CRYZL1: variants seen among roughly 807,000 people sequenced by gnomAD.
The protein encoded by CRYZL1 is crystallin zeta like 1.
In CRYZL1, 34 loss-of-function variants were observed where a neutral mutation model predicts 50.6. The ratio of observed to expected loss-of-function variants is 0.67; its 90% CI spans 0.51 to 0.89. The LOEUF (loss-of-function observed/expected upper bound fraction) is 0.89. CRYZL1 is among the 40% of genes least tolerant of loss of function. The pLI, the probability that CRYZL1 is intolerant of heterozygous loss-of-function variation, is 0.00. For missense variants in CRYZL1, 354 were observed against 402.3 expected, an observed-to-expected ratio of 0.88 and a Z score of 1.03; for synonymous variants, 125 against 134.3, an observed-to-expected ratio of 0.93 and a Z score of 0.48.
intron 2 of CRYZL1, among the ~76,000 whole-genome samples, chr21:33,630,988 G>A (rs1325554539): frequency 1.3e-5 from 2 of 152,174 alleles, no homozygotes; most frequent in Non-Finnish European, 2.9e-5. Context: ...ATTAGAGGCT[G>A]GGGAGATTAA....
intron 4 of CRYZL1, among the ~76,000 whole-genome samples, chr21:33,621,455 C>A (rs1310277808): frequency 6.6e-6 from 1 of 151,858 alleles, no homozygotes; most frequent in Non-Finnish European, 1.5e-5. Context: ...CATTCTCCTG[C>A]CTCAGCCTCC....
At chr21:33,613,452 A>G (rs2086894211) in intron 6 of CRYZL1, 86 bp downstream of exon 6, 13 of 914,768 alleles carry the variant, frequency 1.4e-5, no homozygotes, top group Non-Finnish European at 5.2e-6. Context: ...CACTTATGGT[A>G]GATTCAAAAA....
intron 6 of CRYZL1, among the ~76,000 whole-genome samples, chr21:33,613,162 T>G (rs2086891294): frequency 6.6e-6 from 1 of 152,142 alleles, no homozygotes; most frequent in Admixed American, 6.6e-5. Context: ...CGTCTCAAAC[T>G]CTCCATGTAC....
intron 4 of CRYZL1, among the ~76,000 whole-genome samples, chr21:33,617,708 C>G (rs1289885349): frequency 6.6e-6 from 1 of 152,116 alleles, no homozygotes. Flanking sequence ...CAGAACGGAA[C>G]AGAACAGGAC....
At chr21:33,624,901 G>T in intron 2 of CRYZL1, 141 bp from the exon 3 acceptor site, 5 of 1,175,562 alleles carry the variant, frequency 4.3e-6, no homozygotes, top group Non-Finnish European at 5.6e-6. Context: ...ACAACTATAA[G>T]TAATTATAGA....
intron 2 of CRYZL1, among the ~76,000 whole-genome samples, chr21:33,625,529 G>A (rs944496763): frequency 6.6e-6 from 1 of 151,964 alleles, no homozygotes; most frequent in Non-Finnish European, 1.5e-5. Context: ...TGTCTCCCAC[G>A]CGGGAATGCA....
Position 33,620,685 on chromosome 21 carries a change from G to A in CRYZL1, c.217+1311C>T, listed in dbSNP as rs901369561. 1.1e-4 allele frequency among the ~76,000 whole-genome samples: 17 copies of A among 151,748 alleles called. 1 individual carries two copies. Among genetic ancestry groups the A allele is most frequent in the Admixed American group, 7.9e-4 (12 of 15,228 alleles). The stretch of plus-strand genomic sequence containing the variant: ...AAATTTGCCAGGCATGGTGATGAGC[G>A]CCTGTAGCCCCAGCTACTTGGAAGG... On this transcript the variant is annotated intron_variant, in intron 4 of 12. Coordinates refer to ENST00000381554, the MANE Select transcript of CRYZL1 (RefSeq NM_145858.3).
chr21:33,641,332 A>G, intron 1 of CRYZL1: 2 of 1,535,936 alleles, frequency 1.3e-6, no homozygotes, highest in Non-Finnish European at 1.8e-6. Context: ...GAGAAAGAAA[A>G]AGACACTCAA....
At chr21:33,622,681 T>C (rs923093570) in intron 3 of CRYZL1, among the ~76,000 whole-genome samples, 1 of 152,238 alleles carries the variant, frequency 6.6e-6, no homozygotes, top group Non-Finnish European at 1.5e-5. Context: ...CTGTAAGTAC[T>C]TGTCTTTTGA....
At chr21:33,607,682 A>G (rs987855206) in intron 6 of CRYZL1, among the ~76,000 whole-genome samples, 6 of 152,212 alleles carry the variant, frequency 3.9e-5, no homozygotes, top group Non-Finnish European at 8.8e-5. Context: ...AATTAAAAAT[A>G]AAAACAAATT....
At chr21:33,629,666 G>A (rs563626582) in intron 2 of CRYZL1, among the ~76,000 whole-genome samples, 2 of 152,308 alleles carry the variant, frequency 1.3e-5, no homozygotes, top group South Asian at 4.1e-4. Flanking sequence ...ATAAGATCAC[G>A]TCATCTGCAA....
intron 2 of CRYZL1, among the ~76,000 whole-genome samples, chr21:33,626,077 C>T (rs1294362388): frequency 6.6e-6 from 1 of 152,066 alleles, no homozygotes; most frequent in Non-Finnish European, 1.5e-5. Context: ...CCTCAGCCTC[C>T]TGAGTAGCTG....
At chr21:33,607,242 G>A (rs1187019464) in intron 6 of CRYZL1, among the ~76,000 whole-genome samples, 1 of 152,192 alleles carries the variant, frequency 6.6e-6, no homozygotes, top group East Asian at 1.9e-4. Flanking sequence ...TTGAGAAATA[G>A]GACTAACACC....
intron 1 of CRYZL1, among the ~76,000 whole-genome samples, chr21:33,633,301 G>A (rs1024973819): frequency 2.6e-5 from 4 of 152,136 alleles, no homozygotes; most frequent in African/African-American, 7.2e-5. Flanking sequence ...GCACCAGCTG[G>A]GCCAGAACTG....
chr21:33,615,290 C>A (rs2086917376), intron 5 of CRYZL1, among the ~76,000 whole-genome samples: 1 of 151,342 alleles, frequency 6.6e-6, no homozygotes, highest in East Asian at 1.9e-4. Flanking sequence ...TAGCTGGGAC[C>A]ACAGGTGTGT....
chr21:33,640,401 C>G (rs1314095359), intron 1 of CRYZL1, among the ~76,000 whole-genome samples: 1 of 151,612 alleles, frequency 6.6e-6, no homozygotes, highest in East Asian at 1.9e-4. Context: ...ATAACTGACC[C>G]GAGTTTGAAT....
At chr21:33,617,024 A>ATT in intron 4 of CRYZL1, 7 of 199,818 alleles carry the variant, frequency 3.5e-5, no homozygotes, top group East Asian at 1.2e-4. Flanking sequence ...GACTTTATTC[A>ATT]TTTTTTTTTT....
chr21:33,641,704 C>T lies in CRYZL1; in HGVS notation c.-30G>A. 6.1e-6 allele frequency: 1 copy of T among 164,950 alleles called. No individual in the cohort carries two copies. The highest frequency in any genetic ancestry group is 1.3e-5 in the Non-Finnish European group (1 of 75,526). The allele number at this position is 164,950 out of a possible 1,614,324, so 10.2% of individuals were successfully genotyped here. A position where few individuals can be genotyped will look rare whatever the true frequency, so the allele number is the denominator to read the frequency against. On this transcript the variant is annotated 5_prime_UTR_variant, in exon 1 of 13. Coordinates refer to ENST00000381554, the MANE Select transcript of CRYZL1 (RefSeq NM_145858.3). ...ACCTGCCTCTGAGCCGCCCCAACGGCCTGCACCTTCACCACCGCCACCTTC... is the reference window on the plus strand; with the variant it reads ...ACCTGCCTCTGAGCCGCCCCAACGGTCTGCACCTTCACCACCGCCACCTTC...
intron 7 of CRYZL1, 192 bp downstream of exon 7, chr21:33,603,212 C>A: frequency 1.7e-6 from 1 of 589,868 alleles, no homozygotes; most frequent in South Asian, 2.6e-5. Context: ...AAGTCATAAA[C>A]TAATCACACT....
Sources: gnomAD v4.1 joint callset for allele counts (sites outside exome capture counted in the v4.1 genomes callset) on GRCh38, gnomAD v4.1.1 for gene constraint, MANE v1.5 for transcripts, NCBI Gene and HGNC (gene_info 2026-07-23, HGNC 2026-07-21) for gene names.